Variants in ADAM18 observed in about 807,000 individuals in gnomAD.
The protein encoded by ADAM18 is ADAM metallopeptidase domain 18.
ADAM18 carries 117 observed loss-of-function variants against 94.4 expected under a neutral mutation model. The observed-to-expected ratio is 1.24, with a 90% confidence interval of 1.07 to 1.45. The LOEUF (loss-of-function observed/expected upper bound fraction) is 1.45. Among genes scored for constraint, ADAM18 ranks in the 40% most tolerant of loss-of-function variants. The pLI is 0.00. For missense variants in ADAM18, 936 were observed against 880.0 expected (o/e 1.06, Z -0.81); for synonymous variants, 327 against 291.6 (o/e 1.12, Z -1.24).
At chr8:39,714,369 C>A (rs1185962947) in intron 18 of ADAM18, among the ~76,000 whole-genome samples, 1 of 152,066 alleles carries the variant, frequency 6.6e-6, no homozygotes, top group Non-Finnish European at 1.5e-5. Context: ...AGCAAACCAA[C>A]ATAGCACATG....
At chr8:39,655,976 C>G (rs994851733) in intron 12 of ADAM18, among the ~76,000 whole-genome samples, 6 of 151,800 alleles carry the variant, frequency 4.0e-5, no homozygotes, top group Non-Finnish European at 8.8e-5. Context: ...AATTATGGGA[C>G]TACTTAATCA....
intron 3 of ADAM18, among the ~76,000 whole-genome samples, chr8:39,607,009 G>C (rs1819106729): frequency 6.6e-6 from 1 of 152,048 alleles, no homozygotes; most frequent in East Asian, 1.9e-4. Flanking sequence ...AGGCCATCTG[G>C]ATGTATACGA....
chr8:39,593,664 T>A (rs568475425), intron 2 of ADAM18, among the ~76,000 whole-genome samples: 1 of 152,274 alleles, frequency 6.6e-6, no homozygotes, highest in East Asian at 1.9e-4. Context: ...CGAAAGACTA[T>A]CTTCTGTCAG....
chr8:39,654,013 C>G (rs974757205), intron 12 of ADAM18, among the ~76,000 whole-genome samples: 8 of 151,188 alleles, frequency 5.3e-5, no homozygotes, highest in African/African-American at 2.0e-4. Context: ...ATTCTACTCT[C>G]TGCCTTCATG....
Position 39,598,786 on chromosome 8 carries a change from C to CA in ADAM18, c.133-7513dup, listed in dbSNP as rs545757842. On this transcript the variant is annotated intron_variant, in intron 2 of 19. Transcript: ENST00000265707. ...CCGTCTCAAAAAAAAAAAAAAACAACAAAAAAAAGAAAAGGGTGTTGGATT... is the reference window on the plus strand; with the variant it reads ...CCGTCTCAAAAAAAAAAAAAAACAACAAAAAAAAAGAAAAGGGTGTTGGATT... 4.4e-3 allele frequency among the ~76,000 whole-genome samples: 652 copies of CA among 148,482 alleles called. 2 individuals are homozygous for CA. The highest frequency in any genetic ancestry group is 0.015 in the African/African-American group (590 of 40,416).
intron 4 of ADAM18, 28 bp from the exon 5 acceptor site, chr8:39,609,457 A>G (rs780609540): frequency 6.5e-7 from 1 of 1,531,110 alleles, no homozygotes; most frequent in Non-Finnish European, 9.0e-7. Context: ...ACGAATTTAT[A>G]TACTTGCCTT....
intron 19 of ADAM18, among the ~76,000 whole-genome samples, chr8:39,724,146 A>G (rs1042376053): frequency 5.3e-5 from 8 of 151,760 alleles, no homozygotes; most frequent in Admixed American, 5.3e-4. Context: ...AAGACTTACT[A>G]GGTCAGAAAA....
At chr8:39,593,135 T>C (rs1818626456) in intron 2 of ADAM18, among the ~76,000 whole-genome samples, 1 of 152,226 alleles carries the variant, frequency 6.6e-6, no homozygotes, top group Non-Finnish European at 1.5e-5. Context: ...TCAGTCTTCA[T>C]AGAAATGAAG....
chr8:39,647,565 C>T (rs566260616), intron 11 of ADAM18, among the ~76,000 whole-genome samples: 18 of 152,222 alleles, frequency 1.2e-4, no homozygotes, highest in African/African-American at 3.6e-4. Context: ...AGACCATTTA[C>T]GGGTGTCAGG....
chr8:39,661,845 A>AT (rs1820849397), intron 12 of ADAM18, among the ~76,000 whole-genome samples: 1 of 151,812 alleles, frequency 6.6e-6, no homozygotes, highest in African/African-American at 2.4e-5. Context: ...AAAATGGAGG[A>AT]TATTTATGAA....
At chr8:39,694,982 T>A (rs1034174296) in intron 17 of ADAM18, among the ~76,000 whole-genome samples, 1 of 151,502 alleles carries the variant, frequency 6.6e-6, no homozygotes, top group Non-Finnish European at 1.5e-5. Flanking sequence ...CATAAACTCC[T>A]AGAAACCCAT....
At chr8:39,639,670 A>G (rs1202934249) in intron 10 of ADAM18, among the ~76,000 whole-genome samples, 1 of 152,018 alleles carries the variant, frequency 6.6e-6, no homozygotes, top group Non-Finnish European at 1.5e-5. Context: ...TCTTAGTTCA[A>G]TTGCCTTGAT....
intron 19 of ADAM18, among the ~76,000 whole-genome samples, chr8:39,726,256 C>A (rs1822904152): frequency 8.9e-6 from 1 of 112,470 alleles, no homozygotes; most frequent in African/African-American, 3.7e-5. Flanking sequence ...TGTATGAGAT[C>A]TACACACACA....
intron 16 of ADAM18, among the ~76,000 whole-genome samples, chr8:39,684,238 C>A (rs920717939): frequency 3.9e-5 from 6 of 152,000 alleles, no homozygotes; most frequent in Non-Finnish European, 7.4e-5. Context: ...CCTTCCATGT[C>A]ATAAGCTATT....
chr8:39,680,864 T>G (rs1407692835), intron 16 of ADAM18, among the ~76,000 whole-genome samples: 1 of 152,080 alleles, frequency 6.6e-6, no homozygotes, highest in Non-Finnish European at 1.5e-5. Flanking sequence ...TTAAATGTCA[T>G]TTGGTGCTTA....
chr8:39,706,668 T>C (rs1364754558), intron 17 of ADAM18, 122 bp from the exon 18 acceptor site: 29 of 527,830 alleles, frequency 5.5e-5, no homozygotes, highest in Non-Finnish European at 1.3e-5. Flanking sequence ...TATATAGTCA[T>C]AATAATCTTA....
chr8:39,586,768 CT>C (rs1312512620), intron 2 of ADAM18, among the ~76,000 whole-genome samples: 4 of 107,178 alleles, frequency 3.7e-5, no homozygotes, highest in Admixed American at 9.8e-5. Flanking sequence ...ATCTATCTAT[CT>C]ATCTATCTAT....
intron 18 of ADAM18, among the ~76,000 whole-genome samples, chr8:39,707,881 G>A (rs1822285855): frequency 6.6e-6 from 1 of 151,934 alleles, no homozygotes; most frequent in African/African-American, 2.4e-5. Context: ...GCTTCTCTTT[G>A]GCATATACAA....
At chr8:39,661,708 C>T (rs1820846181) in intron 12 of ADAM18, among the ~76,000 whole-genome samples, 1 of 151,950 alleles carries the variant, frequency 6.6e-6, no homozygotes, top group Admixed American at 6.5e-5. Context: ...ATGTATCCCT[C>T]TATATGCTGT....
Sources: gnomAD v4.1 joint callset for allele counts (sites outside exome capture counted in the v4.1 genomes callset) on GRCh38, gnomAD v4.1.1 for gene constraint, MANE v1.5 for transcripts, NCBI Gene and HGNC (gene_info 2026-07-23, HGNC 2026-07-21) for gene names.